Variants in TBXAS1 observed in about 807,000 individuals in gnomAD.
TBXAS1 encodes thromboxane-A synthase.
TBXAS1 carries 48 observed loss-of-function variants against 60.7 expected under a neutral mutation model. That is an observed-to-expected ratio of 0.79 (90% CI 0.63 to 1.01). The LOEUF is 1.01. TBXAS1 is among the 50% of genes least tolerant of loss of function. The pLI, the probability that TBXAS1 is intolerant of heterozygous loss-of-function variation, is 0.00. For synonymous variants in TBXAS1, 287 were observed against 269.7 expected (o/e 1.06, Z -0.63); for missense variants, 685 against 686.3 (o/e 1.00, Z 0.02).
chr7:139,853,607 T>C (rs1358375664), intron 1 of TBXAS1, among the ~76,000 whole-genome samples: 2 of 152,192 alleles, frequency 1.3e-5, no homozygotes, highest in African/African-American at 2.4e-5. Flanking sequence ...AACTGTTTCC[T>C]TTTATTACGC....
intron 4 of TBXAS1, among the ~76,000 whole-genome samples, chr7:139,818,892 G>T (rs777072036): frequency 6.6e-6 from 1 of 152,160 alleles, no homozygotes; most frequent in Non-Finnish European, 1.5e-5. Context: ...CCTGGAGAGA[G>T]AGTTGGGAAT....
At chr7:139,926,003 T>A (rs1806848030) in intron 4 of TBXAS1, among the ~76,000 whole-genome samples, 1 of 152,234 alleles carries the variant, frequency 6.6e-6, no homozygotes, top group Admixed American at 6.5e-5. Context: ...TCATGATTGA[T>A]CTTTTTAATG....
intron 1 of TBXAS1, among the ~76,000 whole-genome samples, chr7:139,849,923 A>G (rs754544973): frequency 4.6e-5 from 7 of 152,222 alleles, no homozygotes; most frequent in Non-Finnish European, 8.8e-5. Flanking sequence ...TTATGCCAAG[A>G]AAGGAATATG....
intron 10 of TBXAS1, among the ~76,000 whole-genome samples, chr7:140,011,342 A>G (rs370105517): frequency 7.4e-4 from 8 of 10,778 alleles, no homozygotes; most frequent in East Asian, 9.4e-3. Flanking sequence ...TAAAAAAAAA[A>G]GAAAAAAAAG....
intron 1 of TBXAS1, among the ~76,000 whole-genome samples, chr7:139,848,756 C>T (rs1799998359): frequency 6.6e-6 from 1 of 152,176 alleles, no homozygotes; most frequent in Non-Finnish European, 1.5e-5. Context: ...AATCCACATG[C>T]CCAAGGTTAA....
intron 10 of TBXAS1, among the ~76,000 whole-genome samples, chr7:140,007,569 T>C (rs1309926727): frequency 6.6e-6 from 1 of 152,160 alleles, no homozygotes; most frequent in Non-Finnish European, 1.5e-5. Flanking sequence ...AAATCAGCTG[T>C]ATATAAAACA....
intron 4 of TBXAS1, among the ~76,000 whole-genome samples, chr7:139,815,392 T>C (rs962885427): frequency 6.6e-6 from 1 of 152,230 alleles, no homozygotes; most frequent in African/African-American, 2.4e-5. Flanking sequence ...GTCAATTCCA[T>C]GAAGAGGTTC....
At chr7:139,842,789 A>G (rs184882411) in intron 1 of TBXAS1, among the ~76,000 whole-genome samples, 1 of 152,244 alleles carries the variant, frequency 6.6e-6, no homozygotes, top group Admixed American at 6.5e-5. Flanking sequence ...GGCCCTCCTA[A>G]ACCTCCCCTA....
At chr7:139,856,644 G>A (rs759370006) in intron 1 of TBXAS1, among the ~76,000 whole-genome samples, 1 of 152,146 alleles carries the variant, frequency 6.6e-6, no homozygotes, top group East Asian at 1.9e-4. Context: ...ATGTGCATGC[G>A]CAATTGAGCG....
intron 9 of TBXAS1, among the ~76,000 whole-genome samples, chr7:139,994,763 T>C (rs1218337988): frequency 6.6e-6 from 1 of 152,106 alleles, no homozygotes; most frequent in African/African-American, 2.4e-5. Context: ...TTTCTGCAGG[T>C]TCTTAGAGTT....
chr7:139,788,485 T>G (rs1417070277), intron 4 of TBXAS1, among the ~76,000 whole-genome samples: 1 of 152,222 alleles, frequency 6.6e-6, no homozygotes, highest in Non-Finnish European at 1.5e-5. Context: ...AATAAATACT[T>G]GTTACATGAG....
chr7:139,898,569 C>G (rs577419169), intron 3 of TBXAS1, among the ~76,000 whole-genome samples: 1 of 152,024 alleles, frequency 6.6e-6, no homozygotes, highest in Non-Finnish European at 1.5e-5. Flanking sequence ...TCAGGTGATC[C>G]GCAAGTGCTG....
upstream of TBXAS1, among the ~76,000 whole-genome samples, chr7:139,827,252 G>T (rs1329636622): frequency 6.6e-6 from 1 of 152,072 alleles, no homozygotes; most frequent in Non-Finnish European, 1.5e-5. Context: ...GACCTGTGGG[G>T]GCACAGAAAA....
At chr7:139,902,120 T>C (rs1360539469) in intron 3 of TBXAS1, among the ~76,000 whole-genome samples, 5 of 151,582 alleles carry the variant, frequency 3.3e-5, no homozygotes, top group Admixed American at 2.6e-4. Context: ...TTTTCCAGGT[T>C]TATATGCACT....
intron 3 of TBXAS1, among the ~76,000 whole-genome samples, chr7:139,877,568 G>A (rs1188566472): frequency 6.6e-6 from 1 of 151,252 alleles, no homozygotes; most frequent in Non-Finnish European, 1.5e-5. Context: ...GATTACAGGC[G>A]CCCGCCACCA....
chr7:140,020,155 G>A lies in TBXAS1; in HGVS notation c.*56G>A, dbSNP rs1057086635. ...CCCCCAAATTCAAAGAAAACCCTAA[G>A]TGTGGATGTTCAGAATTTTGGAAAA... is the stretch of plus-strand genomic sequence containing the variant. On this transcript the variant is annotated 3_prime_UTR_variant, in exon 13 of 13. Coordinates refer to ENST00000448866, the MANE Select transcript of TBXAS1 (RefSeq NM_001061.7). The A allele has an allele frequency of 1.3e-6, 2 of 1,570,238 alleles. No individual in the cohort carries two copies. The highest frequency in any genetic ancestry group is 8.8e-7 in the Non-Finnish European group (1 of 1,140,870).
intron 9 of TBXAS1, among the ~76,000 whole-genome samples, chr7:139,993,831 C>T (rs1813097454): frequency 6.6e-6 from 1 of 152,040 alleles, no homozygotes; most frequent in African/African-American, 2.4e-5. Flanking sequence ...CCTCATCCAT[C>T]CAATGGGAGG....
Position 139,890,362 on chromosome 7 carries a change from CCCGCCA to C in TBXAS1, c.236+14727_236+14732del, listed in dbSNP as rs573415829. Among the ~76,000 whole-genome samples, 1,131 of 152,036 alleles carry C rather than the reference CCCGCCA, an allele frequency of 7.4e-3. 15 individuals carry two copies. Among genetic ancestry groups the C allele is most frequent in the African/African-American group, 0.026 (1,083 of 41,504 alleles). ...TCCCGAGTAGCTGGGACTACAGGCG[CCCGCCA>C]CTGCGCCCGGCTAATTTTTTGTATT... On this transcript the variant is annotated intron_variant, in intron 3 of 12. Transcript: ENST00000448866.
intron 9 of TBXAS1, among the ~76,000 whole-genome samples, chr7:139,991,222 T>C (rs1442834945): frequency 1.3e-5 from 2 of 152,208 alleles, no homozygotes; most frequent in African/African-American, 4.8e-5. Flanking sequence ...AGAACACAAA[T>C]GCTTTTTGAA....
Sources: gnomAD v4.1 joint callset for allele counts (sites outside exome capture counted in the v4.1 genomes callset) on GRCh38, gnomAD v4.1.1 for gene constraint, MANE v1.5 for transcripts, NCBI Gene and HGNC (gene_info 2026-07-23, HGNC 2026-07-21) for gene names.